ESRRB: variants seen among roughly 807,000 people sequenced by gnomAD.
ESRRB encodes estrogen related receptor beta, also known as steroid hormone receptor ERR2.
Under a neutral mutation model 46.0 loss-of-function variants are expected in ESRRB, and 16 were observed. The observed-to-expected ratio is 0.35, with a 90% CI of 0.24 to 0.53. The LOEUF is 0.53. ESRRB is among the 20% of genes least tolerant of loss of function. The pLI, the probability that ESRRB is intolerant of heterozygous loss-of-function variation, is 0.93. For missense variants in ESRRB, 488 were observed against 607.4 expected, an observed-to-expected ratio of 0.80 and a Z score of 2.07; for synonymous variants, 246 against 259.6, an observed-to-expected ratio of 0.95 and a Z score of 0.50.
At chr14:76,312,367 C>T (rs912941515) in intron 1 of ESRRB, among the ~76,000 whole-genome samples, 1 of 151,928 alleles carries the variant, frequency 6.6e-6, no homozygotes, top group African/African-American at 2.4e-5. Context: ...TTTCTGGTTC[C>T]ATGTTTTCAG....
intron 1 of ESRRB, among the ~76,000 whole-genome samples, chr14:76,311,666 G>T (rs1331342601): frequency 6.6e-6 from 1 of 152,226 alleles, no homozygotes; most frequent in Non-Finnish European, 1.5e-5. Flanking sequence ...GCCAGGTGTG[G>T]AGGGAGGGCT....
intron 2 of ESRRB, 41 bp from the exon 3 acceptor site, chr14:76,462,504 G>A (rs1888910451): frequency 1.3e-6 from 2 of 1,534,852 alleles, no homozygotes; most frequent in Non-Finnish European, 1.8e-6. Context: ...GGGGGCCCTG[G>A]GCGGCCAGCA....
chr14:76,318,790 C>G (rs1883832262), intron 1 of ESRRB, among the ~76,000 whole-genome samples: 1 of 152,152 alleles, frequency 6.6e-6, no homozygotes, highest in African/African-American at 2.4e-5. Flanking sequence ...GCCAGAAAGG[C>G]CAAGAAAGAG....
intron 3 of ESRRB, among the ~76,000 whole-genome samples, chr14:76,468,392 C>A (rs996677287): frequency 1.1e-5 from 1 of 88,356 alleles, no homozygotes; most frequent in Non-Finnish European, 2.2e-5. Flanking sequence ...CACACACTGC[C>A]CCCCCCCCAA....
At chr14:76,319,441 C>T (rs564007274) in intron 1 of ESRRB, among the ~76,000 whole-genome samples, 46 of 152,276 alleles carry the variant, frequency 3.0e-4, no homozygotes, top group African/African-American at 1.1e-3. Context: ...GGTGTTTGTG[C>T]ACACGTGTGC....
At chr14:76,369,858 A>T (rs1884578562), upstream of ESRRB, among the ~76,000 whole-genome samples, 1 of 152,204 alleles carries the variant, frequency 6.6e-6, no homozygotes, top group Admixed American at 6.5e-5. Flanking sequence ...TAATTTTCCG[A>T]AAGTTTCCCA....
intron 1 of ESRRB, among the ~76,000 whole-genome samples, chr14:76,430,848 A>G (rs986897284): frequency 6.6e-6 from 1 of 152,238 alleles, no homozygotes; most frequent in African/African-American, 2.4e-5. Context: ...GCCGTCCTTC[A>G]GCCTGACCCA....
intron 1 of ESRRB, among the ~76,000 whole-genome samples, chr14:76,438,037 T>C (rs1320223783): frequency 1.3e-5 from 2 of 152,014 alleles, no homozygotes; most frequent in Non-Finnish European, 2.9e-5. Context: ...GTTAGAATGC[T>C]CCCTCAAGCT....
chr14:76,409,824 A>G (rs1423316559), intron 1 of ESRRB, among the ~76,000 whole-genome samples: 1 of 152,062 alleles, frequency 6.6e-6, no homozygotes, highest in African/African-American at 2.4e-5. Context: ...GAAATGAAGA[A>G]GGGAAGGGTT....
chr14:76,469,558 T>A (rs190003635), intron 3 of ESRRB, among the ~76,000 whole-genome samples: 59 of 152,196 alleles, frequency 3.9e-4, no homozygotes, highest in South Asian at 1.0e-3. Flanking sequence ...GTTAAAAAAA[T>A]TTTTTTTCAC....
chr14:76,388,600 G>GA (rs1885341588), intron 1 of ESRRB, among the ~76,000 whole-genome samples: 2 of 152,006 alleles, frequency 1.3e-5, no homozygotes, highest in Non-Finnish European at 2.9e-5. Context: ...TCTTGGTTCT[G>GA]AAAAAAATAA....
At chr14:76,397,659 C>A (rs1885750733) in intron 1 of ESRRB, among the ~76,000 whole-genome samples, 1 of 152,192 alleles carries the variant, frequency 6.6e-6, no homozygotes, top group Admixed American at 6.5e-5. Flanking sequence ...AATCCCAGCA[C>A]TTTGAGAGGC....
At chr14:76,314,247 A>G (rs1447915086) in intron 1 of ESRRB, among the ~76,000 whole-genome samples, 2 of 152,136 alleles carry the variant, frequency 1.3e-5, no homozygotes, top group Non-Finnish European at 2.9e-5. Context: ...ACAAAGCAAA[A>G]ATGGCAACTG....
intron 1 of ESRRB, among the ~76,000 whole-genome samples, chr14:76,418,051 G>C (rs900307024): frequency 6.6e-6 from 1 of 150,582 alleles, no homozygotes; most frequent in Non-Finnish European, 1.5e-5. Flanking sequence ...TGCCTCCCAG[G>C]TTCAAGTGAT....
upstream of ESRRB, among the ~76,000 whole-genome samples, chr14:76,370,610 T>A (rs1218450432): frequency 6.6e-6 from 1 of 152,182 alleles, no homozygotes; most frequent in Non-Finnish European, 1.5e-5. Context: ...TATGGTATTC[T>A]TTCTCTCCCC....
At position 76,500,759 on chromosome 14, in the gene ESRRB, G is replaced by T; in HGVS notation, c.*2301G>T. 6.2e-7 allele frequency: 1 copy of T among 1,611,896 alleles called. No individual in the cohort carries two copies. Among genetic ancestry groups the T allele is most frequent in the Non-Finnish European group, 8.5e-7 (1 of 1,177,996 alleles). ...AGCAAGTGGGTGTTCTGCACACCAGGCAGCTGCACCTCACTGGATCTAGTG... is the reference window on the plus strand; with the variant it reads ...AGCAAGTGGGTGTTCTGCACACCAGTCAGCTGCACCTCACTGGATCTAGTG... On this transcript the variant is annotated 3_prime_UTR_variant, in exon 7 of 7. Transcript: ENST00000644823.
Position 76,498,278 on chromosome 14 carries a change from G to A in ESRRB, c.1185G>A (p.Leu395=). 6.2e-7 allele frequency: 1 copy of A among 1,613,822 alleles called. No individual in the cohort carries two copies. Among genetic ancestry groups the A allele is most frequent in the Non-Finnish European group, 8.5e-7 (1 of 1,180,008 alleles). ...TGCAGGACCTGCTGCACGAGGCACT[G>A]CAGGACTACGAGCTGAGCCAGCGCC... ...QKLQDLLHEA[L]QDYELSQRHE... The change falls in exon 7 of 7, where the codon CTG becomes CTA. Residue 395 remains leucine (L), a synonymous_variant. Transcript: ENST00000644823.
At chr14:76,313,665 A>G (rs920742220) in intron 1 of ESRRB, among the ~76,000 whole-genome samples, 4 of 152,238 alleles carry the variant, frequency 2.6e-5, no homozygotes, top group African/African-American at 4.8e-5. Context: ...TACCCCATCA[A>G]TTAAAATGGC....
At chr14:76,480,240 C>G (rs1889753512) in intron 3 of ESRRB, among the ~76,000 whole-genome samples, 1 of 152,182 alleles carries the variant, frequency 6.6e-6, no homozygotes, top group Non-Finnish European at 1.5e-5. Flanking sequence ...CGTTTAGCAC[C>G]AGGTACAAAT....
Sources: gnomAD v4.1 joint callset for allele counts (sites outside exome capture counted in the v4.1 genomes callset) on GRCh38, gnomAD v4.1.1 for gene constraint, MANE v1.5 for transcripts, NCBI Gene and HGNC (gene_info 2026-07-23, HGNC 2026-07-21) for gene names.